Variants in MYO9B observed in about 807,000 individuals in gnomAD.
The protein encoded by MYO9B is unconventional myosin-IXb.
MYO9B carries 71 observed loss-of-function variants against 229.5 expected under a neutral mutation model. The ratio of observed to expected loss-of-function variants is 0.31; its 90% confidence interval spans 0.26 to 0.38. The LOEUF (loss-of-function observed/expected upper bound fraction) is 0.38, where lower values mean the gene tolerates loss of function less well. MYO9B is among the 10% of genes least tolerant of loss of function. The pLI, the probability that MYO9B is intolerant of heterozygous loss-of-function variation, is 1.00. For missense variants in MYO9B, 2,255 were observed against 2,920.5 expected (o/e 0.77, Z 5.25); for synonymous variants, 1,185 against 1,235.8 (o/e 0.96, Z 0.86).
intron 15 of MYO9B, 57 bp from the exon 16 acceptor site, chr19:17,183,772 C>A: frequency 6.8e-7 from 1 of 1,480,246 alleles, no homozygotes; most frequent in Non-Finnish European, 9.1e-7. Flanking sequence ...CTGAACTAAC[C>A]CAAATCCCGA....
In MYO9B at chr19:17,084,618, C is replaced by CT. The variant is rs201756079; in HGVS notation, c.-59+8747dup. Among the ~76,000 whole-genome samples, 1,149 of 150,388 alleles carry CT rather than the reference C, an allele frequency of 7.6e-3. 23 individuals carry two copies. The highest frequency in any genetic ancestry group is 0.027 in the African/African-American group (1,107 of 40,896). On this transcript the variant is annotated intron_variant, in intron 1 of 39. Coordinates refer to ENST00000682292, the MANE Select transcript of MYO9B (RefSeq NM_004145.4). ...GTGGCTCACATCTGTAATCCCAACA[C>CT]TTTGGGAGGCTGAGGCAGGCAGATC...
chr19:17,145,279 G>GA lies in MYO9B; in HGVS notation c.841-112dup, dbSNP rs537886976. ...TGACAGAACAAGACTGTCTCCAAGA[G>GA]AAAAAATAGATAAATTGAACAATAC... On this transcript the variant is annotated intron_variant, in intron 2 of 39. Coordinates refer to ENST00000682292, the MANE Select transcript of MYO9B (RefSeq NM_004145.4). The GA allele has an allele frequency of 1.5e-3, 1,549 of 1,005,102 alleles. 33 individuals carry two copies. In the South Asian group the frequency reaches 0.024, roughly 16 times the overall value. The allele number at this position is 1,005,102 out of a possible 1,614,324, so 62.3% of individuals were successfully genotyped here. A position where few individuals can be genotyped will look rare whatever the true frequency, so the allele number is the denominator to read the frequency against.
chr19:17,100,419 G>A (rs1179828109), intron 1 of MYO9B, among the ~76,000 whole-genome samples: 4 of 151,866 alleles, frequency 2.6e-5, no homozygotes, highest in Admixed American at 1.3e-4. Context: ...GTTGCAGTGA[G>A]CCGAGATCAC....
Position 17,153,976 on chromosome 19 carries a change from T to C in MYO9B, c.1008T>C (p.His336=), listed in dbSNP as rs1017342475. Residue 336 remains histidine, a synonymous_variant, in exon 5 of 40, where the codon CAT becomes CAC. Transcript: ENST00000682292. ...VSQEKDERNY[H]VFYYLLLGVS... ...CAATTTTGACCTGTAGGAACTACCA[T>C]GTGTTTTATTATTTGTTACTTGGGG... 2 of 1,613,396 alleles carry C rather than the reference T, an allele frequency of 1.2e-6. No homozygotes were observed. Among genetic ancestry groups the C allele is most frequent in the Admixed American group, 1.7e-5 (1 of 59,978 alleles).
intron 2 of MYO9B, among the ~76,000 whole-genome samples, chr19:17,140,913 G>A (rs1054163886): frequency 3.3e-5 from 5 of 151,398 alleles, no homozygotes; most frequent in South Asian, 2.1e-4. Flanking sequence ...GACCAGCCTG[G>A]CCAACATGGT....
At chr19:17,146,205 G>GGATC (rs2072409212) in intron 3 of MYO9B, among the ~76,000 whole-genome samples, 1 of 142,564 alleles carries the variant, frequency 7.0e-6, no homozygotes, top group Non-Finnish European at 1.5e-5. Context: ...ATGGATGGAT[G>GGATC]GATGGATCGA....
chr19:17,079,394 G>GC (rs1467681409), intron 1 of MYO9B, among the ~76,000 whole-genome samples: 7 of 152,164 alleles, frequency 4.6e-5, no homozygotes, highest in African/African-American at 1.7e-4. Context: ...GACAGCGGGT[G>GC]CCCTTGTCTT....
intron 36 of MYO9B, 53 bp from the exon 37 acceptor site, chr19:17,210,280 T>A: frequency 6.6e-7 from 1 of 1,515,322 alleles, no homozygotes; most frequent in Middle Eastern, 1.7e-4. Context: ...CCCCAGCTCA[T>A]GCCTGTGTCT....
intron 1 of MYO9B, among the ~76,000 whole-genome samples, chr19:17,098,656 C>T (rs1276986024): frequency 6.6e-6 from 1 of 152,162 alleles, no homozygotes; most frequent in Non-Finnish European, 1.5e-5. Context: ...TGGCCGGGCA[C>T]AGTCACTCAT....
At chr19:17,206,434 G>A (rs113389478) in intron 33 of MYO9B, 58 bp downstream of exon 33, 62 of 1,582,196 alleles carry the variant, frequency 3.9e-5, no homozygotes, top group East Asian at 1.8e-4. Context: ...TACAGCGTTC[G>A]CTGTGACCAG....
At position 17,184,604 on chromosome 19, in the gene MYO9B, G is replaced by A. The variant is rs952981102; in HGVS notation, c.2374-261G>A. The A allele has an allele frequency of 2.2e-5, 9 of 415,538 alleles. No homozygotes were observed. The Admixed American group carries it at 2.6e-4, about 12-fold the overall frequency. The allele number at this position is 415,538 out of a possible 1,614,324, so 25.7% of individuals were successfully genotyped here. A position where few individuals can be genotyped will look rare whatever the true frequency, so the allele number is the denominator to read the frequency against. On this transcript the variant is annotated intron_variant, in intron 16 of 39. Coordinates refer to ENST00000682292, the MANE Select transcript of MYO9B (RefSeq NM_004145.4). Reference sequence around the variant, plus strand: ...TGGCTTCCTCTCTAACCCAGAGGAAGAGGAAATGGGGCAGCCACTCAGGCT... The same window carrying A: ...TGGCTTCCTCTCTAACCCAGAGGAAAAGGAAATGGGGCAGCCACTCAGGCT...
intron 3 of MYO9B, among the ~76,000 whole-genome samples, chr19:17,146,974 T>TC (rs1172585078): frequency 2.6e-5 from 4 of 152,248 alleles, no homozygotes; most frequent in Non-Finnish European, 2.9e-5. Flanking sequence ...TCCTGAACCT[T>TC]CCGCCTCTAG....
chr19:17,108,071 C>T (rs73519668), intron 2 of MYO9B, among the ~76,000 whole-genome samples: 4,101 of 152,216 alleles, frequency 0.027, 188 homozygotes, highest in African/African-American at 0.094. Context: ...AGTTCCTCCC[C>T]GGATGCCAGC....
chr19:17,167,835 A>G (rs1599385913), intron 10 of MYO9B, 108 bp from the exon 11 acceptor site: 1 of 1,411,340 alleles, frequency 7.1e-7, no homozygotes, highest in Non-Finnish European at 9.5e-7. Context: ...ATTTTGAAGC[A>G]TTTCAGATTT....
intron 38 of MYO9B, 119 bp downstream of exon 38, chr19:17,210,967 G>A: frequency 1.2e-6 from 1 of 826,798 alleles, no homozygotes. Context: ...CTAACACTGG[G>A]CAAACAACAC....
chr19:17,142,801 T>G (rs1187562885), intron 2 of MYO9B, among the ~76,000 whole-genome samples: 2 of 152,186 alleles, frequency 1.3e-5, no homozygotes, highest in Non-Finnish European at 2.9e-5. Context: ...TTTACAAATG[T>G]GAAAACCATT....
intron 17 of MYO9B, among the ~76,000 whole-genome samples, 197 bp from the exon 18 acceptor site, chr19:17,185,724 C>G (rs559760192): frequency 2.0e-5 from 3 of 152,200 alleles, no homozygotes; most frequent in African/African-American, 7.2e-5. Flanking sequence ...ATAACTCCCT[C>G]GAGGGTTTCC....
chr19:17,146,023 G>A lies in MYO9B; in HGVS notation c.935+532G>A, dbSNP rs150866371. On this transcript the variant is annotated intron_variant, in intron 3 of 39. Coordinates refer to ENST00000682292, the MANE Select transcript of MYO9B (RefSeq NM_004145.4). ...GATTCATGGGTGAATGGATTTGCAC[G>A]TAGATGGATAGACAGATTTATGGAT... Among the ~76,000 whole-genome samples, 464 of 151,462 alleles carry A rather than the reference G, an allele frequency of 3.1e-3. 1 individual carries two copies. Among genetic ancestry groups the A allele is most frequent in the African/African-American group, 0.01 (432 of 41,246 alleles).
At position 17,101,323 on chromosome 19, in the gene MYO9B, G is replaced by C. The variant is rs1031088373; in HGVS notation, c.-58-337G>C. Among the ~76,000 whole-genome samples the C allele has an allele frequency of 6.6e-6, 1 of 151,792 alleles. No homozygotes were observed. ...CTCCTGAGGAGCTGGGACCACAGGC[G>C]AGCACCACTATGCCTTTATTTTTTG... On this transcript the variant is annotated intron_variant, in intron 1 of 39. Coordinates refer to ENST00000682292, the MANE Select transcript of MYO9B (RefSeq NM_004145.4). The surrounding 1 kb of genome is among the most constrained non-coding windows in gnomAD (Gnocchi z 4.7).
Sources: gnomAD v4.1 joint callset for allele counts (sites outside exome capture counted in the v4.1 genomes callset) on GRCh38, gnomAD v4.1.1 for gene constraint, Gnocchi (gnomAD v3.1) non-coding constraint, MANE v1.5 for transcripts, NCBI Gene and HGNC (gene_info 2026-07-23, HGNC 2026-07-21) for gene names.